CNTNAP2: variants seen among roughly 807,000 people sequenced by gnomAD.
CNTNAP2 encodes contactin-associated protein-like 2.
CNTNAP2 carries 98 observed loss-of-function variants against 155.2 expected under a neutral mutation model. That is an observed-to-expected ratio of 0.63 (90% confidence interval 0.54 to 0.75). The LOEUF (loss-of-function observed/expected upper bound fraction) is 0.75, where lower values mean the gene tolerates loss of function less well. Among genes scored for constraint, CNTNAP2 ranks in the 30% least tolerant of loss-of-function variants. The probability of loss-of-function intolerance (pLI) is 0.00; values close to 1 mark genes in which losing one functional copy is unlikely to be tolerated. For missense variants in CNTNAP2, 1,727 were observed against 1,688.1 expected, an observed-to-expected ratio of 1.02 and a Z score of -0.40; for synonymous variants, 651 against 631.2, an observed-to-expected ratio of 1.03 and a Z score of -0.47.
intron 1 of CNTNAP2, among the ~76,000 whole-genome samples, chr7:146,289,866 A>AT (rs1052888341): frequency 6.6e-6 from 1 of 152,106 alleles, no homozygotes; most frequent in Admixed American, 6.5e-5. Flanking sequence ...TGTCAATTTC[A>AT]TTTTTTCTAG....
intron 11 of CNTNAP2, among the ~76,000 whole-genome samples, chr7:147,526,653 C>G (rs1295004766): frequency 6.6e-6 from 1 of 152,116 alleles, no homozygotes; most frequent in East Asian, 1.9e-4. Context: ...GTATATAGGT[C>G]AACAGATTCT....
intron 1 of CNTNAP2, among the ~76,000 whole-genome samples, chr7:146,529,112 G>A (rs560816542): frequency 3.3e-5 from 5 of 152,228 alleles, no homozygotes; most frequent in Non-Finnish European, 7.4e-5. Context: ...AATTTACACA[G>A]AAAATTAGAA....
At chr7:148,042,983 C>T (rs1802706671) in intron 15 of CNTNAP2, among the ~76,000 whole-genome samples, 1 of 152,160 alleles carries the variant, frequency 6.6e-6, no homozygotes, top group Non-Finnish European at 1.5e-5. Flanking sequence ...TGTAAAGTCC[C>T]ATTGAGAATT....
chr7:146,743,965 G>A (rs1413210241), intron 1 of CNTNAP2, among the ~76,000 whole-genome samples: 1 of 152,064 alleles, frequency 6.6e-6, no homozygotes, highest in African/African-American at 2.4e-5. Flanking sequence ...GCTCATGCCT[G>A]TAATGGCTCC....
intron 2 of CNTNAP2, among the ~76,000 whole-genome samples, chr7:146,777,038 AAGAC>A (rs1450801791): frequency 1.3e-5 from 2 of 152,180 alleles, no homozygotes; most frequent in East Asian, 1.9e-4. Flanking sequence ...CATTTCCAGA[AAGAC>A]AGATGTTTCA....
chr7:148,090,412 A>T (rs1445250222), intron 15 of CNTNAP2, among the ~76,000 whole-genome samples: 1 of 152,146 alleles, frequency 6.6e-6, no homozygotes, highest in Non-Finnish European at 1.5e-5. Flanking sequence ...TTCAGTAGTA[A>T]GAAAACAAAT....
chr7:146,999,901 A>G (rs1798389496), intron 3 of CNTNAP2, among the ~76,000 whole-genome samples: 1 of 151,880 alleles, frequency 6.6e-6, no homozygotes, highest in African/African-American at 2.4e-5. Flanking sequence ...CTTCCTGTAA[A>G]TATTTCTATC....
intron 1 of CNTNAP2, among the ~76,000 whole-genome samples, chr7:146,362,534 A>T (rs1795096696): frequency 6.6e-6 from 1 of 152,120 alleles, no homozygotes; most frequent in Admixed American, 6.6e-5. Flanking sequence ...TGAGGCAAGA[A>T]ATATGTTTTC....
At chr7:148,246,049 C>G (rs1234958030) in intron 20 of CNTNAP2, among the ~76,000 whole-genome samples, 1 of 152,208 alleles carries the variant, frequency 6.6e-6, no homozygotes, top group African/African-American at 2.4e-5. Context: ...TTAAATGGAA[C>G]TTTCAGGCAT....
intron 1 of CNTNAP2, among the ~76,000 whole-genome samples, chr7:146,701,915 G>C (rs979611622): frequency 3.9e-5 from 6 of 152,230 alleles, no homozygotes; most frequent in Admixed American, 1.3e-4. Flanking sequence ...AATTAGAAAA[G>C]TAATATTTCT....
At chr7:147,684,016 C>T (rs1428873903) in intron 13 of CNTNAP2, among the ~76,000 whole-genome samples, 2 of 151,522 alleles carry the variant, frequency 1.3e-5, no homozygotes, top group Non-Finnish European at 3.0e-5. Flanking sequence ...TTTGAAATTC[C>T]TGACAAAAAC....
At chr7:146,297,579 AATAGGT>A (rs1252401809) in intron 1 of CNTNAP2, among the ~76,000 whole-genome samples, 1 of 152,170 alleles carries the variant, frequency 6.6e-6, no homozygotes, top group Non-Finnish European at 1.5e-5. Flanking sequence ...AAGAGAAAGA[AATAGGT>A]AGATAATATA....
At chr7:146,169,175 C>T (rs1194834531) in intron 1 of CNTNAP2, among the ~76,000 whole-genome samples, 1 of 152,152 alleles carries the variant, frequency 6.6e-6, no homozygotes, top group Non-Finnish European at 1.5e-5. Context: ...TTCTCTTCTC[C>T]ACATTTTCTT....
At chr7:147,077,279 T>G (rs1800017206) in intron 4 of CNTNAP2, among the ~76,000 whole-genome samples, 1 of 152,210 alleles carries the variant, frequency 6.6e-6, no homozygotes, top group African/African-American at 2.4e-5. Flanking sequence ...CATTTGTATC[T>G]TTAGTTCTAA....
intron 2 of CNTNAP2, among the ~76,000 whole-genome samples, chr7:146,838,334 T>C (rs1803656086): frequency 6.6e-6 from 1 of 152,196 alleles, no homozygotes; most frequent in African/African-American, 2.4e-5. Context: ...ATTTTATTTT[T>C]TGAGATGGAG....
intron 10 of CNTNAP2, among the ~76,000 whole-genome samples, chr7:147,469,821 G>C (rs563687985): frequency 6.6e-6 from 1 of 152,030 alleles, no homozygotes; most frequent in Admixed American, 6.6e-5. Flanking sequence ...CCCGGCCCAG[G>C]CTGCAATTTT....
intron 1 of CNTNAP2, among the ~76,000 whole-genome samples, chr7:146,368,539 A>G (rs1223572210): frequency 1.3e-5 from 2 of 152,084 alleles, no homozygotes; most frequent in African/African-American, 2.4e-5. Context: ...TTCTTCATCC[A>G]TAATAAAGCC....
chr7:147,082,094 A>G (rs1308271252), intron 4 of CNTNAP2: 2 of 152,080 alleles, frequency 1.3e-5, no homozygotes, highest in Non-Finnish European at 2.9e-5. Context: ...GAGTGCTAGG[A>G]AAAAAAAGAA....
At chr7:147,227,529 G>A (rs763556012) in intron 8 of CNTNAP2, among the ~76,000 whole-genome samples, 8 of 152,176 alleles carry the variant, frequency 5.3e-5, no homozygotes, top group Non-Finnish European at 8.8e-5. Context: ...TATTGGTAGG[G>A]CTAGAAGGAA....
Sources: gnomAD v4.1 joint callset for allele counts (sites outside exome capture counted in the v4.1 genomes callset) on GRCh38, gnomAD v4.1.1 for gene constraint, MANE v1.5 for transcripts, NCBI Gene and HGNC (gene_info 2026-07-23, HGNC 2026-07-21) for gene names.